The following CTNNA2 variants were observed in gnomAD, a reference collection of about 807,000 sequenced individuals.
CTNNA2 encodes catenin alpha 2.
Under a neutral mutation model 101.0 loss-of-function variants are expected in CTNNA2, and 42 were observed. The observed-to-expected ratio is 0.42, with a 90% CI of 0.32 to 0.54. The LOEUF (loss-of-function observed/expected upper bound fraction) is 0.54. CTNNA2 is among the 20% of genes least tolerant of loss of function. CTNNA2 has a pLI of 0.14. For missense variants in CTNNA2, 871 were observed against 1,223.1 expected (o/e 0.71, Z 4.29); for synonymous variants, 450 against 456.4 (o/e 0.99, Z 0.18).
chr2:80,166,383 A>T lies in CTNNA2; in HGVS notation c.1057-226828A>T, dbSNP rs148322734. On this transcript the variant is annotated intron_variant, in intron 7 of 18. Transcript: ENST00000402739. ...TCAGCAAAGGCCAATGATTTAATCA[A>T]CCATGCCTAGGCAGTGAAGCTTCCA... is the stretch of plus-strand genomic sequence containing the variant. Among the ~76,000 whole-genome samples the T allele has an allele frequency of 1.1e-4, 16 of 152,286 alleles. No homozygotes were observed. The East Asian group carries it at 3.1e-3, about 30-fold the overall frequency.
At chr2:80,174,978 C>G (rs183373003) in intron 7 of CTNNA2, among the ~76,000 whole-genome samples, 1 of 152,284 alleles carries the variant, frequency 6.6e-6, no homozygotes, top group East Asian at 1.9e-4. Context: ...CCCACTGCTT[C>G]ATATTTTTCA....
intron 1 of CTNNA2, among the ~76,000 whole-genome samples, chr2:79,623,440 T>C (rs1298808480): frequency 6.6e-6 from 1 of 152,192 alleles, no homozygotes; most frequent in Non-Finnish European, 1.5e-5. Flanking sequence ...TCTAGACTCT[T>C]GTAAGAGTCT....
At chr2:79,521,535 C>T (rs549923101) in intron 1 of CTNNA2, among the ~76,000 whole-genome samples, 6 of 152,132 alleles carry the variant, frequency 3.9e-5, no homozygotes, top group East Asian at 1.9e-4. Context: ...GAATGATAGG[C>T]GCTTAGACTA....
intron 2 of CTNNA2, among the ~76,000 whole-genome samples, chr2:79,211,086 G>A (rs1674166385): frequency 6.6e-6 from 1 of 152,038 alleles, no homozygotes; most frequent in African/African-American, 2.4e-5. Flanking sequence ...CAATTTCTAG[G>A]TCTTACATTT....
At chr2:79,813,820 G>A (rs535807889) in intron 3 of CTNNA2, among the ~76,000 whole-genome samples, 3 of 152,300 alleles carry the variant, frequency 2.0e-5, no homozygotes, top group African/African-American at 7.2e-5. Flanking sequence ...GAGTTTGCAT[G>A]ACAATGATAT....
intron 1 of CTNNA2, among the ~76,000 whole-genome samples, chr2:79,600,342 A>AT (rs1020763816): frequency 3.3e-5 from 5 of 151,258 alleles, no homozygotes; most frequent in African/African-American, 9.7e-5. Context: ...TGCCTGGCTA[A>AT]TTTTTTTTTA....
intron 1 of CTNNA2, among the ~76,000 whole-genome samples, chr2:79,646,401 T>C (rs1009926551): frequency 3.9e-5 from 6 of 152,168 alleles, no homozygotes; most frequent in African/African-American, 1.2e-4. Context: ...AAATAGCTGA[T>C]AGCATCCTGG....
intron 4 of CTNNA2, among the ~76,000 whole-genome samples, chr2:79,503,276 G>T (rs1239119101): frequency 6.6e-6 from 1 of 152,086 alleles, no homozygotes; most frequent in Non-Finnish European, 1.5e-5. Flanking sequence ...CTGTATTAGG[G>T]TAAAACAATA....
chr2:79,260,253 G>T (rs958259295), intron 2 of CTNNA2, among the ~76,000 whole-genome samples: 11 of 152,160 alleles, frequency 7.2e-5, no homozygotes, highest in Middle Eastern at 3.4e-3. Flanking sequence ...TTCTCCCACG[G>T]TCTCTCTCCC....
chr2:79,930,101 G>A (rs1687285814), intron 7 of CTNNA2, among the ~76,000 whole-genome samples: 1 of 151,938 alleles, frequency 6.6e-6, no homozygotes, highest in Non-Finnish European at 1.5e-5. Context: ...GCCGGGTGTG[G>A]TGGTGCGCAC....
At chr2:79,479,465 A>C (rs1671085592) in intron 4 of CTNNA2, among the ~76,000 whole-genome samples, 1 of 152,254 alleles carries the variant, frequency 6.6e-6, no homozygotes, top group South Asian at 2.1e-4. Context: ...ATTGCATTTT[A>C]CTATCTATAG....
chr2:80,276,330 C>T (rs1265100850), intron 7 of CTNNA2, among the ~76,000 whole-genome samples: 1 of 152,128 alleles, frequency 6.6e-6, no homozygotes. Flanking sequence ...GGTGTTTGTC[C>T]TCAAGCCACT....
intron 8 of CTNNA2, among the ~76,000 whole-genome samples, chr2:80,413,572 G>T (rs1679780809): frequency 6.6e-6 from 1 of 152,162 alleles, no homozygotes; most frequent in South Asian, 2.1e-4. Flanking sequence ...TTATTAAAGT[G>T]ACTTTGGGTA....
chr2:80,297,763 G>T (rs1352025590), intron 7 of CTNNA2, among the ~76,000 whole-genome samples: 2 of 151,958 alleles, frequency 1.3e-5, no homozygotes, highest in African/African-American at 2.4e-5. Context: ...GTGGCATAAG[G>T]AGCCCAGAAG....
intron 7 of CTNNA2, among the ~76,000 whole-genome samples, chr2:80,003,619 G>C (rs1035926783): frequency 6.6e-6 from 1 of 152,118 alleles, no homozygotes; most frequent in Non-Finnish European, 1.5e-5. Flanking sequence ...CGTGGAAGTG[G>C]TTAGAATTCC....
chr2:80,133,163 A>G (rs1421005358), intron 7 of CTNNA2, among the ~76,000 whole-genome samples: 2 of 152,134 alleles, frequency 1.3e-5, no homozygotes, highest in Non-Finnish European at 2.9e-5. Context: ...AGCAGGGAAG[A>G]GATGGCCTTG....
At chr2:79,662,668 AG>A (rs934039851) in intron 2 of CTNNA2, among the ~76,000 whole-genome samples, 25 of 152,292 alleles carry the variant, frequency 1.6e-4, no homozygotes, top group African/African-American at 5.8e-4. Flanking sequence ...TCTGAGATAA[AG>A]GATTGGGGCA....
At chr2:80,136,959 C>T (rs910888205) in intron 7 of CTNNA2, among the ~76,000 whole-genome samples, 8 of 152,118 alleles carry the variant, frequency 5.3e-5, no homozygotes, top group East Asian at 1.9e-4. Flanking sequence ...TGCCTCCCTC[C>T]GTACAACATG....
intron 18 of CTNNA2, among the ~76,000 whole-genome samples, chr2:80,620,870 G>A (rs1181204425): frequency 6.6e-6 from 1 of 151,938 alleles, no homozygotes; most frequent in Non-Finnish European, 1.5e-5. Flanking sequence ...GTTAAGAACG[G>A]TTGTGTTGTG....
Sources: gnomAD v4.1 joint callset for allele counts (sites outside exome capture counted in the v4.1 genomes callset) on GRCh38, gnomAD v4.1.1 for gene constraint, MANE v1.5 for transcripts, NCBI Gene and HGNC (gene_info 2026-07-23, HGNC 2026-07-21) for gene names.